Variants in SLC6A3 observed in about 807,000 individuals in gnomAD.
SLC6A3 encodes sodium-dependent dopamine transporter.
Under a neutral mutation model 70.4 loss-of-function variants are expected in SLC6A3, and 19 were observed. That is an observed-to-expected ratio of 0.27 (90% CI 0.19 to 0.40). The LOEUF (loss-of-function observed/expected upper bound fraction) is 0.40. Ranked by LOEUF, SLC6A3 falls within the 10% of genes least tolerant of loss-of-function variation. The probability of loss-of-function intolerance (pLI) is 1.00; values close to 1 mark genes in which losing one functional copy is unlikely to be tolerated. For missense variants in SLC6A3, 613 were observed against 838.5 expected (o/e 0.73, Z 3.32); for synonymous variants, 368 against 356.6 (o/e 1.03, Z -0.36).
rs1470041925 is a variant in SLC6A3 at position 1,393,922 on chromosome 5, C to T, written c.*813G>A. 2.1e-4 allele frequency: 31 copies of T among 150,172 alleles called. No homozygotes were observed. Among genetic ancestry groups the T allele is most frequent in the Non-Finnish European group, 3.0e-5 (2 of 67,308 alleles). 9.3% of individuals were successfully genotyped at this position (150,172 alleles called of 1,614,324 possible). On this transcript the variant is annotated 3_prime_UTR_variant, in exon 15 of 15. Transcript: ENST00000270349. Reference sequence around the variant, plus strand: ...CATGCTCCTGTGGGGGCCCTGCATGCGTCCGGGGATAGGACACGCTCCTGT... The same window carrying T: ...CATGCTCCTGTGGGGGCCCTGCATGTGTCCGGGGATAGGACACGCTCCTGT...
At chr5:1,419,446 C>G (rs1380523407) in intron 6 of SLC6A3, among the ~76,000 whole-genome samples, 1 of 152,242 alleles carries the variant, frequency 6.6e-6, no homozygotes, top group Non-Finnish European at 1.5e-5. Flanking sequence ...TTTTCACATG[C>G]ACTGGTGTTT....
Position 1,411,561 on chromosome 5 carries a change from T to C in SLC6A3, c.1157-206A>G, listed in dbSNP as rs1039523878. Among the ~76,000 whole-genome samples, 5 of 152,150 alleles carry C rather than the reference T, an allele frequency of 3.3e-5. No homozygotes were observed. The highest frequency in any genetic ancestry group is 2.6e-4 in the Admixed American group (4 of 15,288). On this transcript the variant is annotated intron_variant, in intron 8 of 14. Transcript: ENST00000270349. The surrounding 1 kb of genome is among the most constrained non-coding windows in gnomAD (Gnocchi z 6.5). ...GGAAACCCAGAACTGATCAGAGGGC[T>C]TTGGTTCATGCCCACCACCCAGCAA...
In SLC6A3 at chr5:1,397,037, T is replaced by C. The variant is rs371739829; in HGVS notation, c.1840-2279A>G. ...AATTAATAATTTAAAAATGGCCACA[T>C]GTGGATTAATGATAAGATGCGTTAC... On this transcript the variant is annotated intron_variant, in intron 14 of 14. Transcript: ENST00000270349. The surrounding 1 kb of genome is among the most constrained non-coding windows in gnomAD (Gnocchi z 4.7). Among the ~76,000 whole-genome samples the C allele has an allele frequency of 6.6e-6, 1 of 152,122 alleles. No homozygotes were observed. Among genetic ancestry groups the C allele is most frequent in the African/African-American group, 2.4e-5 (1 of 41,416 alleles).
In SLC6A3 at chr5:1,434,588, A is replaced by G. The variant is rs114146184; in HGVS notation, c.419-1890T>C. Among the ~76,000 whole-genome samples, 626 of 151,424 alleles carry G rather than the reference A, an allele frequency of 4.1e-3. 8 individuals are homozygous for G. Among genetic ancestry groups the G allele is most frequent in the African/African-American group, 0.014 (590 of 41,084 alleles). The stretch of plus-strand genomic sequence containing the variant: ...GGATGGGCACCATCACGTTCTTGCT[A>G]CTGGGGTTCACTTTACTAAGCTCCA... On this transcript the variant is annotated intron_variant, in intron 3 of 14. Coordinates refer to ENST00000270349, the MANE Select transcript of SLC6A3 (RefSeq NM_001044.5).
intron 4 of SLC6A3, among the ~76,000 whole-genome samples, chr5:1,422,332 A>T (rs1375155705): frequency 6.6e-6 from 1 of 150,412 alleles, no homozygotes; most frequent in Non-Finnish European, 1.5e-5. Context: ...CACAGAAACC[A>T]AAAGGAAGTT....
Position 1,396,505 on chromosome 5 carries a change from G to A in SLC6A3, c.1840-1747C>T, listed in dbSNP as rs1755723273. 2.6e-5 allele frequency among the ~76,000 whole-genome samples: 4 copies of A among 152,204 alleles called. No homozygotes were observed. Among genetic ancestry groups the A allele is most frequent in the East Asian group, 1.9e-4 (1 of 5,196 alleles). The stretch of plus-strand genomic sequence containing the variant: ...CCTGGTGGACTCCCTGAGCTGAGAC[G>A]CTGGAAAGGAGAGCGAGGGAAACGG... On this transcript the variant is annotated intron_variant, in intron 14 of 14. Transcript: ENST00000270349. The surrounding 1 kb of genome is among the most constrained non-coding windows in gnomAD (Gnocchi z 7.0).
chr5:1,437,701 G>T lies in SLC6A3; in HGVS notation c.418+3658C>A, dbSNP rs796737236. On this transcript the variant is annotated intron_variant, in intron 3 of 14. Transcript: ENST00000270349. This position sits in a 1 kb window ranked among gnomAD's most constrained non-coding sequence, Gnocchi z 4.8. ...TTTCAAGGGTGGATCTTGGCTCCCA[G>T]TTAGGAGCAGGGAGCAGCTCGCAGG... Among the ~76,000 whole-genome samples the T allele has an allele frequency of 5.3e-5, 8 of 152,222 alleles. No individual in the cohort carries two copies. In the South Asian group the frequency reaches 1.7e-3, roughly 32 times the overall value.
Position 1,438,817 on chromosome 5 carries a change from G to A in SLC6A3, c.418+2542C>T, listed in dbSNP as rs1279284918. Among the ~76,000 whole-genome samples the A allele has an allele frequency of 6.6e-6, 1 of 152,208 alleles. No individual in the cohort carries two copies. Among genetic ancestry groups the A allele is most frequent in the Non-Finnish European group, 1.5e-5 (1 of 68,048 alleles). The stretch of plus-strand genomic sequence containing the variant: ...GCTCTTGAAAATCCAGCAAAGCACA[G>A]TTGGATGTCGCTGCAGCCTGTGCCA... On this transcript the variant is annotated intron_variant, in intron 3 of 14. Coordinates refer to ENST00000270349, the MANE Select transcript of SLC6A3 (RefSeq NM_001044.5). The surrounding 1 kb of genome is among the most constrained non-coding windows in gnomAD (Gnocchi z 6.5).
rs1755660478 is a variant in SLC6A3 at position 1,394,389 on chromosome 5, C to T, written c.*346G>A. On this transcript the variant is annotated 3_prime_UTR_variant, in exon 15 of 15. Coordinates refer to ENST00000270349, the MANE Select transcript of SLC6A3 (RefSeq NM_001044.5). The surrounding 1 kb of genome is among the most constrained non-coding windows in gnomAD (Gnocchi z 4.7). ...ATCCCCGCCTGAGAACACAGTGCCC[C>T]TGGGGCAGCCTCAGAGCCGGGAGCA... 2.1e-6 allele frequency: 1 copy of T among 477,430 alleles called. No homozygotes were observed. The highest frequency in any genetic ancestry group is 3.8e-6 in the Non-Finnish European group (1 of 261,592). The allele number at this position is 477,430 out of a possible 1,614,324, so 29.6% of individuals were successfully genotyped here.
Position 1,394,514 on chromosome 5 carries a change from A to G in SLC6A3, c.*221T>C, listed in dbSNP as rs1448473003. On this transcript the variant is annotated 3_prime_UTR_variant, in exon 15 of 15. Coordinates refer to ENST00000270349, the MANE Select transcript of SLC6A3 (RefSeq NM_001044.5). This position sits in a 1 kb window ranked among gnomAD's most constrained non-coding sequence, Gnocchi z 4.7. ...GGGGTGGACCTCGCTGCACAGATCT[A>G]CGTCGTTATTACAGCAACACAAGAC... The G allele has an allele frequency of 1.5e-6, 1 of 655,680 alleles. No homozygotes were observed. Among genetic ancestry groups the G allele is most frequent in the Non-Finnish European group, 2.8e-6 (1 of 360,780 alleles). The allele number at this position is 655,680 out of a possible 1,614,324, so 40.6% of individuals were successfully genotyped here.
At chr5:1,420,461 TG>T in intron 6 of SLC6A3, 107 bp downstream of exon 6, 1 of 1,312,254 alleles carries the variant, frequency 7.6e-7, no homozygotes, top group Non-Finnish European at 1.1e-6. Flanking sequence ...GAAAGAACCC[TG>T]GTGTCTGCAA....
chr5:1,441,595 A>G (rs1733671410), intron 2 of SLC6A3, 105 bp from the exon 3 acceptor site: 4 of 1,311,606 alleles, frequency 3.0e-6, no homozygotes, highest in Middle Eastern at 2.0e-4. Flanking sequence ...TCCTGGCCCG[A>G]CCGTTTCACC....
At chr5:1,423,790 A>AACTGTAACAGCCGGGGCCAAGG (rs1756517661) in intron 4 of SLC6A3, among the ~76,000 whole-genome samples, 2 of 152,018 alleles carry the variant, frequency 1.3e-5, no homozygotes, top group Non-Finnish European at 2.9e-5. Flanking sequence ...TGGGGCCAAG[A>AACTGTAACAGCCGGGGCCAAGG]CAACTGTAAC....
Position 1,401,636 on chromosome 5 carries a change from A to T in SLC6A3, c.1768-650T>A, listed in dbSNP as rs1206243312. ...CACCCCACGTCATCACCACAATTCC[A>T]CTTGTACCTGGCTCAGCTGCTGAGG... is the stretch of plus-strand genomic sequence containing the variant. On this transcript the variant is annotated intron_variant, in intron 13 of 14. Transcript: ENST00000270349. The surrounding 1 kb of genome is among the most constrained non-coding windows in gnomAD (Gnocchi z 6.1). Among the ~76,000 whole-genome samples, 1 of 151,752 alleles carries T rather than the reference A, an allele frequency of 6.6e-6. No individual in the cohort carries two copies. Among genetic ancestry groups the T allele is most frequent in the African/African-American group, 2.4e-5 (1 of 41,314 alleles).
intron 6 of SLC6A3, among the ~76,000 whole-genome samples, chr5:1,418,662 C>T (rs1756362575): frequency 1.3e-5 from 2 of 151,438 alleles, no homozygotes; most frequent in African/African-American, 4.9e-5. Context: ...AGCTACCTAT[C>T]ATTCATCCAT....
chr5:1,416,971 A>G (rs1465961647), intron 6 of SLC6A3, among the ~76,000 whole-genome samples: 5 of 151,886 alleles, frequency 3.3e-5, no homozygotes, highest in Non-Finnish European at 5.9e-5. Flanking sequence ...TCCACACACA[A>G]CATGACCGCG....
intron 14 of SLC6A3, among the ~76,000 whole-genome samples, chr5:1,400,696 C>T (rs1008311516): frequency 5.9e-5 from 9 of 152,206 alleles, no homozygotes; most frequent in South Asian, 2.1e-4. Flanking sequence ...TCTGTGCAGC[C>T]GCACCTCCCA....
chr5:1,423,509 C>T (rs1336125771), intron 4 of SLC6A3, among the ~76,000 whole-genome samples: 3 of 152,274 alleles, frequency 2.0e-5, no homozygotes, highest in Admixed American at 6.5e-5. Flanking sequence ...ACAGCCCCTG[C>T]TGCTATGAGG....
intron 3 of SLC6A3, among the ~76,000 whole-genome samples, chr5:1,435,638 C>T (rs1382294405): frequency 1.3e-5 from 2 of 152,274 alleles, no homozygotes; most frequent in African/African-American, 4.8e-5. Flanking sequence ...GTGCAGCCCC[C>T]ACACCAGAGT....
Sources: gnomAD v4.1 joint callset for allele counts (sites outside exome capture counted in the v4.1 genomes callset) on GRCh38, gnomAD v4.1.1 for gene constraint, Gnocchi (gnomAD v3.1) non-coding constraint, MANE v1.5 for transcripts, NCBI Gene and HGNC (gene_info 2026-07-23, HGNC 2026-07-21) for gene names.